Variants in RPGRIP1L observed in about 807,000 individuals in gnomAD.
The protein encoded by RPGRIP1L is RPGRIP1 like, also known as protein fantom.
Under a neutral mutation model 160.4 loss-of-function variants are expected in RPGRIP1L, and 131 were observed. The ratio of observed to expected loss-of-function variants is 0.82; its 90% CI spans 0.71 to 0.94. The LOEUF (loss-of-function observed/expected upper bound fraction) is 0.94. RPGRIP1L is among the 40% of genes least tolerant of loss of function. RPGRIP1L has a pLI of 0.00. For missense variants in RPGRIP1L, 1,522 were observed against 1,535.8 expected (o/e 0.99, Z 0.15); for synonymous variants, 510 against 515.8 (o/e 0.99, Z 0.15).
At chr16:53,609,135 T>A (rs1441208568) in intron 25 of RPGRIP1L, among the ~76,000 whole-genome samples, 3 of 152,208 alleles carry the variant, frequency 2.0e-5, no homozygotes, top group Non-Finnish European at 4.4e-5. Flanking sequence ...CTCACCCAGG[T>A]TGGAGTACAG....
At chr16:53,699,817 CA>C (rs71146704) in intron 2 of RPGRIP1L, among the ~76,000 whole-genome samples, 168 of 94,620 alleles carry the variant, frequency 1.8e-3, no homozygotes, top group Middle Eastern at 5.1e-3. Flanking sequence ...GACTTCGTCT[CA>C]AAAAAAAAAA....
chr16:53,645,750 T>A lies in RPGRIP1L; in HGVS notation c.2558A>T (p.Asp853Val), dbSNP rs1221830575. 6.2e-7 allele frequency: 1 copy of A among 1,614,128 alleles called. No individual in the cohort carries two copies. The highest frequency in any genetic ancestry group is 1.1e-5 in the South Asian group (1 of 91,078). Residue 853 changes from aspartate to valine, a missense_variant, in exon 17 of 27, where the codon GAT (aspartate) becomes GTT (valine). By Grantham distance (152) the Asp-to-Val change is radical. Transcript: ENST00000647211. ...YFPVPMNMDL[D>V]RYLKSESLSF... The stretch of plus-strand genomic sequence containing the variant: ...CAGAGACTCTGACTTAAGGTATCGA[T>A]CCAAGTCCATATTCATTGGCACTGG...
rs886052094 is a variant in RPGRIP1L at position 53,637,762 on chromosome 16, C to A, written c.3153G>T (p.Gln1051His). ...AAGATGCCAAGCTTTGTTCTGCAAG[C>A]TGACCTTCAGATAGTAAAGACACAT... ...KDDVSLLSEG[Q>H]LAEQSLASSE... The change falls in exon 21 of 27, where the codon CAG becomes CAT. Residue 1051 changes from glutamine (Q) to histidine (H), a missense_variant. Physicochemically the swap from Gln to His is conservative, Grantham distance 24 (BLOSUM62 0). Coordinates refer to ENST00000647211, the MANE Select transcript of RPGRIP1L (RefSeq NM_015272.5). The A allele has an allele frequency of 6.2e-7, 1 of 1,612,960 alleles. No homozygotes were observed. Among genetic ancestry groups the A allele is most frequent in the Non-Finnish European group, 8.5e-7 (1 of 1,179,742 alleles).
intron 17 of RPGRIP1L, among the ~76,000 whole-genome samples, chr16:53,643,924 A>G (rs544152785): frequency 6.6e-6 from 1 of 152,358 alleles, no homozygotes; most frequent in African/African-American, 2.4e-5. Context: ...AGACTTGGCA[A>G]AGATCTCAAA....
intron 25 of RPGRIP1L, among the ~76,000 whole-genome samples, chr16:53,607,381 T>C (rs1200690457): frequency 1.3e-5 from 2 of 152,220 alleles, no homozygotes; most frequent in South Asian, 4.1e-4. Context: ...CTTGTTTCAA[T>C]TGAAAATTTA....
intron 23 of RPGRIP1L, 127 bp from the exon 24 acceptor site, chr16:53,619,335 A>G: frequency 2.6e-6 from 2 of 759,304 alleles, no homozygotes; most frequent in African/African-American, 1.7e-5. Context: ...TCTTGAATGC[A>G]ATGTACACTA....
At chr16:53,639,496 T>C (rs192760662) in intron 19 of RPGRIP1L, among the ~76,000 whole-genome samples, 36 of 152,244 alleles carry the variant, frequency 2.4e-4, no homozygotes, top group Admixed American at 9.2e-4. Flanking sequence ...CATGGCTTAA[T>C]GAACCATTTT....
chr16:53,619,465 A>C (rs979849319), intron 23 of RPGRIP1L, among the ~76,000 whole-genome samples: 5 of 152,180 alleles, frequency 3.3e-5, no homozygotes, highest in African/African-American at 1.2e-4. Flanking sequence ...TGAGGCTATA[A>C]ATACCCCACT....
intron 21 of RPGRIP1L, among the ~76,000 whole-genome samples, chr16:53,636,986 A>ACT (rs1491022139): frequency 7.8e-6 from 1 of 128,676 alleles, no homozygotes; most frequent in Non-Finnish European, 1.7e-5. Flanking sequence ...ACACACACAC[A>ACT]CTCTTTAATT....
At chr16:53,687,002 C>T (rs938650581) in intron 5 of RPGRIP1L, among the ~76,000 whole-genome samples, 17 of 152,080 alleles carry the variant, frequency 1.1e-4, no homozygotes, top group African/African-American at 4.1e-4. Flanking sequence ...CTCTGGCATG[C>T]ATTTATCTCT....
In RPGRIP1L at chr16:53,646,082, T is replaced by C. The variant is rs1441009792; in HGVS notation, c.2305-79A>G. The C allele has an allele frequency of 1.0e-5, 14 of 1,340,718 alleles. No individual in the cohort carries two copies. In the Admixed American group the frequency reaches 2.2e-4, roughly 21 times the overall value. The allele number at this position is 1,340,718 out of a possible 1,614,324, so 83.1% of individuals were successfully genotyped here. On this transcript the variant is annotated intron_variant, in intron 16 of 26. Coordinates refer to ENST00000647211, the MANE Select transcript of RPGRIP1L (RefSeq NM_015272.5). Reference sequence around the variant, plus strand: ...AGCAGCTGCCAAGCCCCAAATAAGATAATTTTGTCAATGACAAAAGCTGCA... The same window carrying C: ...AGCAGCTGCCAAGCCCCAAATAAGACAATTTTGTCAATGACAAAAGCTGCA...
intron 23 of RPGRIP1L, among the ~76,000 whole-genome samples, chr16:53,620,398 A>T (rs951055992): frequency 3.3e-5 from 5 of 152,142 alleles, no homozygotes; most frequent in African/African-American, 7.2e-5. Flanking sequence ...TAAAAACCCA[A>T]ATCTGAATAT....
At position 53,665,015 on chromosome 16, in the gene RPGRIP1L, A is replaced by G; in HGVS notation, c.1104-6T>C. ...CATGGGCAGCACTGAAGGCACTGCA[A>G]AACACACGTGACATGCAAGGAAAGC... On this transcript the variant is annotated splice_region_variant and splice_polypyrimidine_tract_variant and intron_variant, in intron 9 of 26. Transcript: ENST00000647211. 6.2e-7 allele frequency: 1 copy of G among 1,613,576 alleles called. No homozygotes were observed. Among genetic ancestry groups the G allele is most frequent in the African/African-American group, 1.3e-5 (1 of 75,042 alleles).
intron 12 of RPGRIP1L, 141 bp downstream of exon 12, chr16:53,658,273 A>G (rs575349573): frequency 5.5e-6 from 4 of 730,184 alleles, no homozygotes; most frequent in Admixed American, 2.0e-5. Context: ...TGTTACATAC[A>G]TATTTGTAAA....
rs1598444648 is a variant in RPGRIP1L at position 53,703,801 on chromosome 16, A to G, written c.-8+2T>C. On this transcript the variant is annotated splice_donor_variant, in intron 1 of 26. Transcript: ENST00000647211. LOFTEE classifies it low-confidence loss of function (5UTR_SPLICE). Reference sequence around the variant, plus strand: ...TCCTCCCCCATCCTCCCGGGTACTCACCGTGCCACTGGCCCTGCAGCTAGC... The same window carrying G: ...TCCTCCCCCATCCTCCCGGGTACTCGCCGTGCCACTGGCCCTGCAGCTAGC... 1 of 381,490 alleles carries G rather than the reference A, an allele frequency of 2.6e-6. No homozygotes were observed. Among genetic ancestry groups the G allele is most frequent in the Admixed American group, 3.7e-5 (1 of 27,112 alleles). The allele number at this position is 381,490 out of a possible 1,614,324, so 23.6% of individuals were successfully genotyped here.
rs560282452 is a variant in RPGRIP1L, at chr16:53,673,918, A to G, written c.883-902T>C. On this transcript the variant is annotated intron_variant, in intron 7 of 26. Transcript: ENST00000647211. ...CCTGTTATTGTTGGTATTTAAACTA[A>G]TACCTGGGTTCACTGTTAAATAGAA... Among the ~76,000 whole-genome samples, 5 of 152,324 alleles carry G rather than the reference A, an allele frequency of 3.3e-5. No individual in the cohort carries two copies. In the East Asian group the frequency reaches 9.6e-4, roughly 29 times the overall value.
intron 6 of RPGRIP1L, among the ~76,000 whole-genome samples, chr16:53,681,152 G>C (rs896257820): frequency 6.6e-6 from 1 of 152,102 alleles, no homozygotes; most frequent in African/African-American, 2.4e-5. Flanking sequence ...AGGCCTCTCT[G>C]TTGCGAGATT....
At chr16:53,699,648 A>G (rs1314263246) in intron 2 of RPGRIP1L, among the ~76,000 whole-genome samples, 2 of 152,104 alleles carry the variant, frequency 1.3e-5, no homozygotes. Context: ...ACTTCTAACA[A>G]TAAAATCTGT....
chr16:53,641,604 A>AC, intron 17 of RPGRIP1L, 129 bp from the exon 18 acceptor site: 1 of 802,426 alleles, frequency 1.2e-6, no homozygotes, highest in African/African-American at 1.7e-5. Flanking sequence ...AGGTGGTTGT[A>AC]CCCCCTACTT....
Sources: gnomAD v4.1 joint callset for allele counts (sites outside exome capture counted in the v4.1 genomes callset) on GRCh38, gnomAD v4.1.1 for gene constraint, MANE v1.5 for transcripts, NCBI Gene and HGNC (gene_info 2026-07-23, HGNC 2026-07-21) for gene names.